The following LUZP2 variants were observed in gnomAD, a reference collection of about 807,000 sequenced individuals.
LUZP2 encodes leucine zipper protein 2.
LUZP2 carries 52 observed loss-of-function variants against 51.6 expected under a neutral mutation model. The ratio of observed to expected loss-of-function variants is 1.01; its 90% CI spans 0.81 to 1.27. The LOEUF is 1.27. Among genes scored for constraint, LUZP2 ranks in the 50% most tolerant of loss-of-function variants. The probability of loss-of-function intolerance (pLI) is 0.00; values close to 1 mark genes in which losing one functional copy is unlikely to be tolerated. For synonymous variants in LUZP2, 154 were observed against 137.3 expected (o/e 1.12, Z -0.85); for missense variants, 436 against 395.4 (o/e 1.10, Z -0.87).
intron 1 of LUZP2, among the ~76,000 whole-genome samples, chr11:24,682,887 C>T (rs1413764605): frequency 6.6e-6 from 1 of 151,846 alleles, no homozygotes; most frequent in Non-Finnish European, 1.5e-5. Context: ...GCCTCTAGTC[C>T]CTGCTACTCG....
chr11:25,012,528 A>T (rs1452906357), intron 9 of LUZP2, among the ~76,000 whole-genome samples: 4 of 152,122 alleles, frequency 2.6e-5, no homozygotes, highest in African/African-American at 9.7e-5. Flanking sequence ...AAACCCATTA[A>T]AGTCCTAAAT....
chr11:24,997,850 T>C (rs756065340), intron 9 of LUZP2, among the ~76,000 whole-genome samples: 14 of 152,336 alleles, frequency 9.2e-5, no homozygotes, highest in Non-Finnish European at 1.9e-4. Context: ...CTAGCCAGTT[T>C]TCCCAGCACC....
intron 9 of LUZP2, among the ~76,000 whole-genome samples, chr11:25,009,094 C>T (rs1242353068): frequency 6.6e-6 from 1 of 152,146 alleles, no homozygotes; most frequent in Non-Finnish European, 1.5e-5. Context: ...CAGTCTTTGC[C>T]TTAATGTGAA....
At chr11:24,962,535 C>T (rs1458916670) in intron 7 of LUZP2, among the ~76,000 whole-genome samples, 4 of 152,122 alleles carry the variant, frequency 2.6e-5, no homozygotes. Context: ...TCACTGATAC[C>T]CTTTCTTCCA....
At chr11:25,022,615 A>G (rs4363550) in intron 9 of LUZP2, among the ~76,000 whole-genome samples, 146,879 of 152,160 alleles carry the variant, frequency 0.97, 71,075 homozygotes, top group East Asian at 1. Context: ...TCATTTTAAA[A>G]ACTATTATTA....
intron 4 of LUZP2, among the ~76,000 whole-genome samples, chr11:24,742,055 A>ATTT (rs1859198257): frequency 8.8e-6 from 1 of 114,268 alleles, no homozygotes; most frequent in Non-Finnish European, 1.7e-5. Flanking sequence ...AAATAAATAT[A>ATTT]ATTATATATA....
At chr11:24,874,964 A>C (rs111591109) in intron 5 of LUZP2, among the ~76,000 whole-genome samples, 25 of 152,262 alleles carry the variant, frequency 1.6e-4, no homozygotes, top group African/African-American at 5.8e-4. Context: ...ATCATCCATG[A>C]TAAATATTTC....
chr11:24,507,869 G>T (rs186572241), intron 1 of LUZP2, among the ~76,000 whole-genome samples: 83 of 152,056 alleles, frequency 5.5e-4, no homozygotes, highest in Non-Finnish European at 1.1e-3. Flanking sequence ...TCTAAGAAAT[G>T]TGTGAATTAA....
intron 10 of LUZP2, among the ~76,000 whole-genome samples, chr11:25,065,185 C>G (rs1018120023): frequency 2.6e-5 from 4 of 151,994 alleles, no homozygotes; most frequent in Admixed American, 2.6e-4. Flanking sequence ...TGATTTTGGT[C>G]ATGCATTGTC....
intron 1 of LUZP2, among the ~76,000 whole-genome samples, chr11:24,710,466 G>A (rs1003774715): frequency 1.3e-5 from 2 of 152,032 alleles, no homozygotes; most frequent in African/African-American, 2.4e-5. Flanking sequence ...TAGTGAAATG[G>A]GTTTCTGTAT....
rs1182749244 is a variant in LUZP2, at chr11:24,629,788, T to A, written c.63-99381T>A. Reference sequence around the variant, plus strand: ...ATCTTCATACTGTTTGTCATAGAGGTTATATTAATTTATTTTCCCAAAATA... The same window carrying A: ...ATCTTCATACTGTTTGTCATAGAGGATATATTAATTTATTTTCCCAAAATA... On this transcript the variant is annotated intron_variant, in intron 1 of 11. Transcript: ENST00000336930. Among the ~76,000 whole-genome samples the A allele has an allele frequency of 2.0e-5, 3 of 151,700 alleles. No individual in the cohort carries two copies. In the East Asian group the frequency reaches 5.8e-4, roughly 29 times the overall value.
chr11:24,943,966 T>C (rs900458084), intron 7 of LUZP2, among the ~76,000 whole-genome samples: 6 of 151,970 alleles, frequency 3.9e-5, no homozygotes, highest in African/African-American at 1.5e-4. Flanking sequence ...TAAGGTATGG[T>C]ATGGTTTCTG....
Position 24,919,971 on chromosome 11 carries a change from A to T in LUZP2, c.522+5433A>T, listed in dbSNP as rs180898750. Among the ~76,000 whole-genome samples the T allele has an allele frequency of 4.7e-3, 707 of 151,910 alleles. 4 individuals carry two copies. Among genetic ancestry groups the T allele is most frequent in the African/African-American group, 0.016 (679 of 41,522 alleles). ...GAAATTTTATGAATGAATAAGTCCT[A>T]CACAACCATGACAAGTTGTGTTCCT... On this transcript the variant is annotated intron_variant, in intron 7 of 11. Coordinates refer to ENST00000336930, the MANE Select transcript of LUZP2 (RefSeq NM_001009909.4).
At chr11:24,608,734 A>G (rs1660794546) in intron 1 of LUZP2, among the ~76,000 whole-genome samples, 1 of 152,232 alleles carries the variant, frequency 6.6e-6, no homozygotes, top group Non-Finnish European at 1.5e-5. Flanking sequence ...AACAAATATT[A>G]TAATGATAAA....
intron 1 of LUZP2, 42 bp downstream of exon 1, chr11:24,497,347 C>T: frequency 7.0e-7 from 1 of 1,437,934 alleles, no homozygotes; most frequent in Non-Finnish European, 9.2e-7. Flanking sequence ...AGGGGCGCTG[C>T]CGGGGCGAGG....
intron 5 of LUZP2, among the ~76,000 whole-genome samples, chr11:24,775,985 T>C (rs138043650): frequency 1.2e-3 from 178 of 152,298 alleles, no homozygotes; most frequent in African/African-American, 4.0e-3. Flanking sequence ...GAGTTAAAAT[T>C]AGTTCATCAA....
chr11:24,747,507 AT>A (rs1453141649), intron 4 of LUZP2, among the ~76,000 whole-genome samples: 1 of 151,960 alleles, frequency 6.6e-6, no homozygotes, highest in African/African-American at 2.4e-5. Flanking sequence ...TTCATGTTCT[AT>A]TTTTGTACTG....
chr11:24,882,976 G>GAGGAAGGA (rs147897545), intron 5 of LUZP2, among the ~76,000 whole-genome samples: 16 of 149,252 alleles, frequency 1.1e-4, no homozygotes, highest in African/African-American at 4.0e-4. Context: ...AAGAAAGATG[G>GAGGAAGGA]AGGAAGGAAG....
chr11:25,019,332 C>G (rs1019304726), intron 9 of LUZP2, among the ~76,000 whole-genome samples: 2 of 152,026 alleles, frequency 1.3e-5, no homozygotes, highest in African/African-American at 4.8e-5. Context: ...TAAACAGAAT[C>G]ATAGAAATAA....
Sources: gnomAD v4.1 joint callset for allele counts (sites outside exome capture counted in the v4.1 genomes callset) on GRCh38, gnomAD v4.1.1 for gene constraint, MANE v1.5 for transcripts, NCBI Gene and HGNC (gene_info 2026-07-23, HGNC 2026-07-21) for gene names.